The following ABRAXAS1 variants were observed in gnomAD, a reference collection of about 807,000 sequenced individuals.
The protein encoded by ABRAXAS1 is abraxas 1, BRCA1 A complex subunit, also known as BRCA1-A complex subunit Abraxas 1.
Under a neutral mutation model 38.4 loss-of-function variants are expected in ABRAXAS1, and 26 were observed. The ratio of observed to expected loss-of-function variants is 0.68; its 90% CI spans 0.50 to 0.94. The LOEUF (loss-of-function observed/expected upper bound fraction) is 0.94. Ranked by LOEUF, ABRAXAS1 falls within the 40% of genes least tolerant of loss-of-function variation. The probability of loss-of-function intolerance (pLI) is 0.00; values close to 1 mark genes in which losing one functional copy is unlikely to be tolerated. For synonymous variants in ABRAXAS1, 144 were observed against 165.5 expected (o/e 0.87, Z 1.00); for missense variants, 438 against 481.9 (o/e 0.91, Z 0.85).
chr4:83,465,645 G>C (rs1578124933), intron 7 of ABRAXAS1, among the ~76,000 whole-genome samples: 1 of 152,188 alleles, frequency 6.6e-6, no homozygotes, highest in Non-Finnish European at 1.5e-5. Context: ...AAAATTAGCT[G>C]GGTGTAGTGG....
intron 3 of ABRAXAS1, among the ~76,000 whole-genome samples, chr4:83,472,942 A>C (rs753481867): frequency 6.6e-6 from 1 of 152,202 alleles, no homozygotes; most frequent in Non-Finnish European, 1.5e-5. Flanking sequence ...TAAGATCAAC[A>C]ATATTTTCTA....
In ABRAXAS1 at chr4:83,460,803, G is replaced by A. The variant is rs1020832878; in HGVS notation, c.*1666C>T. 43 of 592,122 alleles carry A rather than the reference G, an allele frequency of 7.3e-5. No homozygotes were observed. The highest frequency in any genetic ancestry group is 1.2e-4 in the Non-Finnish European group (38 of 329,176). 36.7% of individuals were successfully genotyped at this position (592,122 alleles called of 1,614,324 possible). On this transcript the variant is annotated 3_prime_UTR_variant, in exon 9 of 9. Transcript: ENST00000321945. ...TGCCTGTAATTCCAGTTACTAAGGA[G>A]GCTGAGGCAAGATAATCGATTGAGC...
chr4:83,479,476 A>G (rs1018510965), intron 2 of ABRAXAS1: 1 of 152,062 alleles, frequency 6.6e-6, no homozygotes, highest in African/African-American at 2.4e-5. Context: ...AAAATGGCAT[A>G]AGTTTTCCAA....
Position 83,469,138 on chromosome 4 carries a change from C to T in ABRAXAS1, c.490G>A (p.Val164Ile). ...YKPQKGLFHR[V>I]PLVVANLGMS... ...CCCAGATTGGCAACCACTAAAGGTA[C>T]CCTGTGAAAAAGTCTGACAAAATAA... The change falls in exon 6 of 9, where the codon GTA becomes ATA. Residue 164 changes from valine to isoleucine, a missense_variant. This residue lies in a region of ABRAXAS1 where 194 missense variants were observed against 269.0 expected (regional missense o/e 0.72). Transcript: ENST00000321945. 1 of 1,613,432 alleles carries T rather than the reference C, an allele frequency of 6.2e-7. No homozygotes were observed. Among genetic ancestry groups the T allele is most frequent in the South Asian group, 1.1e-5 (1 of 91,040 alleles).
chr4:83,464,645 T>C (rs1316261842), intron 7 of ABRAXAS1, among the ~76,000 whole-genome samples: 1 of 152,178 alleles, frequency 6.6e-6, no homozygotes, highest in Non-Finnish European at 1.5e-5. Flanking sequence ...GTTTGCCAGT[T>C]ACCCCTGTAC....
rs889763883 is a variant in ABRAXAS1 at position 83,472,093 on chromosome 4, TCTTA to T, written c.282+125_282+128del. ...CAATTTCTGGGAAGAACAAACCTTT[TCTTA>T]CTTACTTTACAGGATACTATGATGT... On this transcript the variant is annotated intron_variant, in intron 4 of 8. Coordinates refer to ENST00000321945, the MANE Select transcript of ABRAXAS1 (RefSeq NM_139076.3). The T allele has an allele frequency of 2.2e-4, 104 of 481,224 alleles. 2 individuals carry two copies. The East Asian group carries it at 3.0e-3, about 14-fold the overall frequency. 29.8% of individuals were successfully genotyped at this position (481,224 alleles called of 1,614,324 possible).
intron 4 of ABRAXAS1, among the ~76,000 whole-genome samples, chr4:83,471,191 C>CT (rs869128932): frequency 0.021 from 1,207 of 58,156 alleles, 155 homozygotes; most frequent in Non-Finnish European, 0.026. Context: ...AAAGAAACAT[C>CT]TTTTTTTTTT....
intron 4 of ABRAXAS1, among the ~76,000 whole-genome samples, chr4:83,470,788 C>G (rs1217490191): frequency 1.3e-5 from 2 of 152,260 alleles, no homozygotes; most frequent in Admixed American, 1.3e-4. Flanking sequence ...CCTGTATGGA[C>G]ACTTGGTTTG....
intron 2 of ABRAXAS1, 101 bp from the exon 3 acceptor site, chr4:83,476,780 C>A (rs1722786538): frequency 4.4e-6 from 3 of 688,944 alleles, no homozygotes; most frequent in South Asian, 1.8e-5. Flanking sequence ...AGTACTTTAC[C>A]ACTGATTATC....
chr4:83,472,391 A>G (rs961766118), intron 3 of ABRAXAS1, 103 bp from the exon 4 acceptor site: 2 of 575,582 alleles, frequency 3.5e-6, no homozygotes, highest in Non-Finnish European at 5.8e-6. Context: ...ACCAAAGCCC[A>G]TATACCTATT....
chr4:83,471,564 A>C (rs2110040910), intron 4 of ABRAXAS1, among the ~76,000 whole-genome samples: 1 of 152,314 alleles, frequency 6.6e-6, no homozygotes, highest in Non-Finnish European at 1.5e-5. Context: ...TTAAGAGAAA[A>C]AGTAGTGCCT....
Position 83,459,706 on chromosome 4 carries a change from T to C in ABRAXAS1, c.*2763A>G. 6.5e-7 allele frequency: 1 copy of C among 1,542,048 alleles called. No homozygotes were observed. Among genetic ancestry groups the C allele is most frequent in the South Asian group, 1.2e-5 (1 of 83,648 alleles). The stretch of plus-strand genomic sequence containing the variant: ...ACATTCAGAAATAAATAACAGATAC[T>C]TTTTTTTCCCCTCCACATAAAACTC... On this transcript the variant is annotated 3_prime_UTR_variant, in exon 9 of 9. Transcript: ENST00000321945.
At position 83,470,580 on chromosome 4, in the gene ABRAXAS1, T is replaced by G. The variant is rs531933896; in HGVS notation, c.283-184A>C. On this transcript the variant is annotated intron_variant, in intron 4 of 8. Transcript: ENST00000321945. ...CTTTTGTAAAACATACAAACTGACT[T>G]ACTTTCCATTCATTTGAAAGGGTAC... 5.9e-5 allele frequency among the ~76,000 whole-genome samples: 9 copies of G among 152,356 alleles called. No homozygotes were observed. In the East Asian group the frequency reaches 1.2e-3, roughly 20 times the overall value.
chr4:83,470,897 T>G (rs895556220), intron 4 of ABRAXAS1, among the ~76,000 whole-genome samples: 2 of 152,166 alleles, frequency 1.3e-5, no homozygotes, highest in Non-Finnish European at 2.9e-5. Flanking sequence ...AAGATCACAT[T>G]AAAGGATTTT....
chr4:83,462,792 T>C lies in ABRAXAS1; in HGVS notation c.907A>G (p.Asn303Asp). The C allele has an allele frequency of 6.2e-7, 1 of 1,613,896 alleles. No homozygotes were observed. Among genetic ancestry groups the C allele is most frequent in the Non-Finnish European group, 8.5e-7 (1 of 1,179,852 alleles). ...CAGCTACTTTTAGAAACATGTCTATTTTTTAAAGACATAACACATGAATGA... is the reference window on the plus strand; with the variant it reads ...CAGCTACTTTTAGAAACATGTCTATCTTTTAAAGACATAACACATGAATGA... ...FLHSCVMSLK[N>D]RHVSKSSCNY... Residue 303 changes from asparagine to aspartate, a missense_variant, in exon 9 of 9, where the codon AAT becomes GAT. By Grantham distance (23) the Asn-to-Asp change is conservative. Transcript: ENST00000321945.
intron 8 of ABRAXAS1, 36 bp from the exon 9 acceptor site, chr4:83,462,938 T>A: frequency 7.3e-7 from 1 of 1,361,388 alleles, no homozygotes; most frequent in Non-Finnish European, 1.0e-6. Flanking sequence ...ACATATAACA[T>A]TTCTTCTACA....
At chr4:83,464,609 C>T (rs1177336983) in intron 7 of ABRAXAS1, among the ~76,000 whole-genome samples, 4 of 152,272 alleles carry the variant, frequency 2.6e-5, no homozygotes, top group African/African-American at 4.8e-5. Flanking sequence ...CTACTTTTTA[C>T]AAACTTTTTT....
chr4:83,478,627 G>C (rs1354021859), intron 2 of ABRAXAS1, among the ~76,000 whole-genome samples: 1 of 152,186 alleles, frequency 6.6e-6, no homozygotes, highest in African/African-American at 2.4e-5. Flanking sequence ...CTGAGAGAAA[G>C]TGTTAACATT....
At chr4:83,482,436 C>G (rs1189586313) in intron 1 of ABRAXAS1, among the ~76,000 whole-genome samples, 192 bp from the exon 2 acceptor site, 3 of 152,176 alleles carry the variant, frequency 2.0e-5, no homozygotes, top group Non-Finnish European at 4.4e-5. Context: ...AGAGGCTAGG[C>G]AAGATGGCTC....
Sources: allele counts gnomAD v4.1 joint callset (sites outside exome capture counted in the v4.1 genomes callset), GRCh38; gene constraint gnomAD v4.1.1; regional missense constraint gnomAD v4.1.1; transcripts MANE v1.5; gene names NCBI Gene and HGNC (gene_info 2026-07-23, HGNC 2026-07-21).